TTC4: variants seen among roughly 807,000 people sequenced by gnomAD.
The protein encoded by TTC4 is hsp70/Hsp90 co-chaperone CNS1 homolog.
A neutral mutation model predicts 51.9 loss-of-function variants in TTC4; 36 were observed. That is an observed-to-expected ratio of 0.69 (90% CI 0.53 to 0.92). The LOEUF (loss-of-function observed/expected upper bound fraction) is 0.92, where lower values mean the gene tolerates loss of function less well. TTC4 is among the 40% of genes least tolerant of loss of function. TTC4 has a pLI of 0.00. For synonymous variants in TTC4, 144 were observed against 164.2 expected, an observed-to-expected ratio of 0.88 and a Z score of 0.94; for missense variants, 399 against 454.6, an observed-to-expected ratio of 0.88 and a Z score of 1.11.
chr1:54,724,822 C>T (rs1279840625), intron 5 of TTC4, among the ~76,000 whole-genome samples: 1 of 152,130 alleles, frequency 6.6e-6, no homozygotes, highest in African/African-American at 2.4e-5. Context: ...AATTTTTCTC[C>T]TCCATAAAAT....
intron 9 of TTC4, among the ~76,000 whole-genome samples, chr1:54,740,361 A>C (rs998814148): frequency 3.9e-5 from 6 of 152,060 alleles, no homozygotes; most frequent in Admixed American, 1.3e-4. Context: ...GCAGGAAGGA[A>C]AGGTTTTTCC....
chr1:54,717,855 C>G (rs72907991), intron 3 of TTC4: 33,464 of 441,460 alleles, frequency 0.076, 1,790 homozygotes, highest in South Asian at 0.19. Flanking sequence ...CTTACTGTCT[C>G]AACCCAAAAA....
chr1:54,728,718 G>T (rs1452913374), intron 6 of TTC4, among the ~76,000 whole-genome samples: 4 of 152,082 alleles, frequency 2.6e-5, no homozygotes, highest in Non-Finnish European at 4.4e-5. Flanking sequence ...ATCTCAAATA[G>T]TTCCAAACCT....
chr1:54,738,253 C>T (rs144601244), intron 9 of TTC4, among the ~76,000 whole-genome samples: 12 of 152,176 alleles, frequency 7.9e-5, no homozygotes, highest in South Asian at 2.1e-4. Flanking sequence ...GTCGCTATCA[C>T]GAGAACAGCA....
intron 8 of TTC4, among the ~76,000 whole-genome samples, chr1:54,735,063 C>CT (rs879406739): frequency 0.028 from 4,081 of 146,792 alleles, 174 homozygotes; most frequent in African/African-American, 0.094. Flanking sequence ...CTTTCCTCCA[C>CT]TTTTTTTTTT....
At chr1:54,733,608 A>C (rs1318828858) in intron 7 of TTC4, 21 bp from the exon 8 acceptor site, 1 of 1,571,880 alleles carries the variant, frequency 6.4e-7, no homozygotes, top group Non-Finnish European at 8.6e-7. Flanking sequence ...GATACCCAGA[A>C]AGTACATGTT....
chr1:54,727,956 C>T (rs1645821358), intron 5 of TTC4, among the ~76,000 whole-genome samples: 1 of 152,158 alleles, frequency 6.6e-6, no homozygotes, highest in Non-Finnish European at 1.5e-5. Context: ...TGCATACCCA[C>T]TAGGGTGGTT....
intron 6 of TTC4, among the ~76,000 whole-genome samples, chr1:54,728,793 A>G (rs757833658): frequency 1.3e-5 from 2 of 152,112 alleles, no homozygotes; most frequent in Non-Finnish European, 2.9e-5. Context: ...TGCCTTTTCT[A>G]TCTTAGCTAA....
At chr1:54,739,846 G>T (rs2101375212) in intron 9 of TTC4, among the ~76,000 whole-genome samples, 1 of 152,260 alleles carries the variant, frequency 6.6e-6, no homozygotes, top group Non-Finnish European at 1.5e-5. Flanking sequence ...TCCTGATTGT[G>T]GTGTACACCA....
At position 54,737,653 on chromosome 1, in the gene TTC4, A is replaced by G. The variant is rs777524345; in HGVS notation, c.1050A>G (p.Leu350=). The part of the protein sequence containing the change: ...VPAKSTLLQV[L]QHQRYFVKAL... Reference sequence around the variant, plus strand: ...CCAAGAGCACCTTGCTACAGGTTCTACAGCACCAGAGGTGAGTCATCTCAT... The same window carrying G: ...CCAAGAGCACCTTGCTACAGGTTCTGCAGCACCAGAGGTGAGTCATCTCAT... The change falls in exon 9 of 10, where the codon CTA becomes CTG. Residue 350 remains leucine, a synonymous_variant. Coordinates refer to ENST00000371281, the MANE Select transcript of TTC4 (RefSeq NM_004623.5). 5.0e-6 allele frequency: 8 copies of G among 1,612,576 alleles called. No individual in the cohort carries two copies. Among genetic ancestry groups the G allele is most frequent in the Admixed American group, 3.3e-5 (2 of 59,990 alleles).
intron 9 of TTC4, among the ~76,000 whole-genome samples, chr1:54,738,999 C>G (rs996027046): frequency 2.0e-5 from 3 of 151,292 alleles, no homozygotes; most frequent in Non-Finnish European, 2.9e-5. Context: ...CCTATGTCTC[C>G]TGATGCTCTT....
At chr1:54,726,263 C>T (rs910385624) in intron 5 of TTC4, among the ~76,000 whole-genome samples, 5 of 152,140 alleles carry the variant, frequency 3.3e-5, no homozygotes, top group Non-Finnish European at 7.4e-5. Context: ...AAATTAACAG[C>T]TTTCTCATCA....
Position 54,741,368 on chromosome 1 carries a change from T to G in TTC4, c.1062-43T>G. On this transcript the variant is annotated intron_variant, in intron 9 of 9. Coordinates refer to ENST00000371281, the MANE Select transcript of TTC4 (RefSeq NM_004623.5). The stretch of plus-strand genomic sequence containing the variant: ...AGGAAGGTGCATGGATGGTTAAGAT[T>G]GTAATTAAATTAACACCCTCTCTTT... 3 of 1,521,758 alleles carry G rather than the reference T, an allele frequency of 2.0e-6. No homozygotes were observed. In the South Asian group the frequency reaches 3.4e-5, roughly 17 times the overall value. 94.3% of individuals were successfully genotyped at this position (1,521,758 alleles called of 1,614,324 possible). A position where few individuals can be genotyped will look rare whatever the true frequency, so the allele number is the denominator to read the frequency against.
intron 5 of TTC4, among the ~76,000 whole-genome samples, chr1:54,725,194 T>G (rs913405661): frequency 3.3e-5 from 5 of 152,296 alleles, no homozygotes; most frequent in Admixed American, 6.5e-5. Context: ...ATGACCTGAC[T>G]TGGAGCTTAC....
chr1:54,731,362 AAAAT>A, intron 6 of TTC4, 120 bp from the exon 7 acceptor site: 1 of 864,338 alleles, frequency 1.2e-6, no homozygotes, highest in Non-Finnish European at 1.7e-6. Flanking sequence ...TCAAAAAATA[AAAAT>A]AAATAAAAAA....
intron 8 of TTC4, chr1:54,737,335 T>G (rs1336750469): frequency 2.3e-6 from 1 of 434,658 alleles, no homozygotes; most frequent in Non-Finnish European, 4.2e-6. Flanking sequence ...ACCAGCAGGG[T>G]AATGTTGGCA....
At chr1:54,722,420 G>C (rs762511153) in intron 4 of TTC4, among the ~76,000 whole-genome samples, 137 of 152,144 alleles carry the variant, frequency 9.0e-4, no homozygotes, top group Non-Finnish European at 1.7e-3. Context: ...CTAAGTTATA[G>C]CTTTTCCTAC....
chr1:54,728,624 G>A (rs145402891), intron 6 of TTC4, among the ~76,000 whole-genome samples, 192 bp downstream of exon 6: 1 of 152,328 alleles, frequency 6.6e-6, no homozygotes, highest in African/African-American at 2.4e-5. Flanking sequence ...TCTCTCATGT[G>A]CATGTGTTGG....
rs969199459 is a variant in TTC4 at position 54,742,194 on chromosome 1, A to G, written c.*681A>G. 1 of 152,250 alleles carries G rather than the reference A, an allele frequency of 6.6e-6. No individual in the cohort carries two copies. The highest frequency in any genetic ancestry group is 2.4e-5 in the African/African-American group (1 of 41,456). The allele number at this position is 152,250 out of a possible 1,614,324, so 9.4% of individuals were successfully genotyped here. Reference sequence around the variant, plus strand: ...GAGTTCCTCTGCAGTTTTGACATTTAGGATTTTGTGTCTTTTAAACTGGAA... The same window carrying G: ...GAGTTCCTCTGCAGTTTTGACATTTGGGATTTTGTGTCTTTTAAACTGGAA... On this transcript the variant is annotated 3_prime_UTR_variant, in exon 10 of 10. Coordinates refer to ENST00000371281, the MANE Select transcript of TTC4 (RefSeq NM_004623.5).
Sources: gnomAD v4.1 joint callset for allele counts (sites outside exome capture counted in the v4.1 genomes callset) on GRCh38, gnomAD v4.1.1 for gene constraint, MANE v1.5 for transcripts, NCBI Gene and HGNC (gene_info 2026-07-23, HGNC 2026-07-21) for gene names.